NFU1: variants seen among roughly 807,000 people sequenced by gnomAD.
The protein encoded by NFU1 is NFU1 iron-sulfur cluster scaffold homolog, mitochondrial.
NFU1 carries 30 observed loss-of-function variants against 32.2 expected under a neutral mutation model. That is an observed-to-expected ratio of 0.93 (90% CI 0.70 to 1.26). The LOEUF is 1.26. Among genes scored for constraint, NFU1 ranks in the 50% most tolerant of loss-of-function variants. NFU1 has a pLI of 0.00. For synonymous variants in NFU1, 112 were observed against 104.6 expected, an observed-to-expected ratio of 1.07 and a Z score of -0.43; for missense variants, 306 against 306.6, an observed-to-expected ratio of 1.00 and a Z score of 0.02.
At position 69,400,496 on chromosome 2, in the gene NFU1, G is replaced by A; in HGVS notation, c.588C>T (p.Gly196=). Residue 196 remains glycine, a synonymous_variant, in exon 7 of 8, where the codon GGC becomes GGT. Transcript: ENST00000410022. ...QEDGGDVIYK[G]FEDGIVQLKL... The stretch of plus-strand genomic sequence containing the variant: ...TCAGCTGTACAATGCCATCTTCAAA[G>A]CCTTTGTAGATTACATCCCCTCCAT... The A allele has an allele frequency of 6.2e-7, 1 of 1,614,062 alleles. No individual in the cohort carries two copies. The highest frequency in any genetic ancestry group is 1.3e-5 in the African/African-American group (1 of 75,028).
upstream of NFU1, among the ~76,000 whole-genome samples, chr2:69,438,796 T>G (rs777292320): frequency 7.4e-4 from 113 of 152,054 alleles, no homozygotes; most frequent in Non-Finnish European, 1.4e-3. Flanking sequence ...GGGCTGTGCC[T>G]CCTACGAGTT....
chr2:69,439,084 C>G (rs1459838054), upstream of NFU1, among the ~76,000 whole-genome samples: 5 of 152,066 alleles, frequency 3.3e-5, no homozygotes, highest in African/African-American at 1.2e-4. Context: ...CCCAAATCCT[C>G]TTCCACACTC....
intron 1 of NFU1, among the ~76,000 whole-genome samples, chr2:69,434,917 G>T (rs1348020002): frequency 6.6e-6 from 1 of 152,182 alleles, no homozygotes. Context: ...TCATAGGGGT[G>T]CGGAAAATGA....
chr2:69,399,685 A>G (rs116581542), intron 7 of NFU1, among the ~76,000 whole-genome samples: 143 of 151,908 alleles, frequency 9.4e-4, no homozygotes, highest in Middle Eastern at 3.4e-3. Flanking sequence ...TCTAAATCTC[A>G]TCTATAAAAC....
intron 2 of NFU1, among the ~76,000 whole-genome samples, chr2:69,431,374 C>T (rs879487134): frequency 4.6e-5 from 7 of 152,098 alleles, no homozygotes; most frequent in Admixed American, 1.3e-4. Flanking sequence ...GGTGTGATCA[C>T]GGCTCACTGC....
intron 2 of NFU1, among the ~76,000 whole-genome samples, chr2:69,425,361 T>A (rs1673418569): frequency 1.3e-5 from 2 of 149,224 alleles, no homozygotes; most frequent in South Asian, 4.2e-4. Flanking sequence ...ATTTTTAATT[T>A]TTTTTTTTTT....
upstream of NFU1, chr2:69,437,604 C>G (rs1474026221): frequency 4.1e-6 from 3 of 733,596 alleles, no homozygotes; most frequent in Non-Finnish European, 7.1e-6. Context: ...TCACCCTGAC[C>G]AAGAGAGGCC....
rs576455644 is a variant in NFU1, at chr2:69,406,762, G to C, written c.485-680C>G. Among the ~76,000 whole-genome samples, 4 of 152,138 alleles carry C rather than the reference G, an allele frequency of 2.6e-5. No individual in the cohort carries two copies. In the South Asian group the frequency reaches 8.3e-4, roughly 32 times the overall value. On this transcript the variant is annotated intron_variant, in intron 5 of 7. Transcript: ENST00000410022. ...AATTTTTTTATTTTCTGTAGAGATGGGGCCTCGCCATGTTGCTGATATGGT... is the reference window on the plus strand; with the variant it reads ...AATTTTTTTATTTTCTGTAGAGATGCGGCCTCGCCATGTTGCTGATATGGT...
intron 5 of NFU1, among the ~76,000 whole-genome samples, chr2:69,412,606 C>T (rs1305620990): frequency 6.6e-6 from 1 of 151,996 alleles, no homozygotes; most frequent in African/African-American, 2.4e-5. Flanking sequence ...AGGCTGGTCT[C>T]GAACTCCTGA....
chr2:69,437,348 G>C lies in NFU1; in HGVS notation c.62+13C>G, dbSNP rs772395645. 4.4e-6 allele frequency: 7 copies of C among 1,604,754 alleles called. No homozygotes were observed. The African/African-American group carries it at 8.0e-5, about 18-fold the overall frequency. ...GCGGCACACCTATTCGGAGCTCCAG[G>C]CTCGTCACCTACCGCCTGCGCAGCC... On this transcript the variant is annotated intron_variant, in intron 1 of 7. Coordinates refer to ENST00000410022, the MANE Select transcript of NFU1 (RefSeq NM_001002755.4).
intron 6 of NFU1, among the ~76,000 whole-genome samples, chr2:69,401,867 A>T (rs889128789): frequency 5.3e-5 from 8 of 150,426 alleles, no homozygotes; most frequent in Non-Finnish European, 1.2e-4. Flanking sequence ...GCATTTTTTC[A>T]TGTTTAGTGG....
chr2:69,416,373 A>ACT (rs1415476877), intron 4 of NFU1, among the ~76,000 whole-genome samples: 1 of 131,048 alleles, frequency 7.6e-6, no homozygotes. Flanking sequence ...TATTAGTAAT[A>ACT]ATATTATTAT....
chr2:69,396,084 T>A (rs917198318), downstream of NFU1: 5 of 608,352 alleles, frequency 8.2e-6, no homozygotes, highest in African/African-American at 9.3e-5. Context: ...CAAGAGGTTA[T>A]AAATAACTCA....
rs563127867 is a variant in NFU1, at chr2:69,402,208, C to G, written c.546-1670G>C. Among the ~76,000 whole-genome samples, 3 of 152,230 alleles carry G rather than the reference C, an allele frequency of 2.0e-5. No homozygotes were observed. The East Asian group carries it at 5.8e-4, about 29-fold the overall frequency. On this transcript the variant is annotated intron_variant, in intron 6 of 7. Coordinates refer to ENST00000410022, the MANE Select transcript of NFU1 (RefSeq NM_001002755.4). Reference sequence around the variant, plus strand: ...CTGCGCCCAGCCACTATTTGATCATCTTTTGCGAAGTACCTGCTCCAGTGT... The same window carrying G: ...CTGCGCCCAGCCACTATTTGATCATGTTTTGCGAAGTACCTGCTCCAGTGT...
chr2:69,438,237 TTTG>T (rs1673924721), upstream of NFU1, among the ~76,000 whole-genome samples: 2 of 151,092 alleles, frequency 1.3e-5, no homozygotes, highest in African/African-American at 4.9e-5. Context: ...ACTAGAAATC[TTTG>T]TTACTTGCTT....
chr2:69,433,404 T>A (rs1280008068), intron 1 of NFU1, among the ~76,000 whole-genome samples: 1 of 151,918 alleles, frequency 6.6e-6, no homozygotes, highest in African/African-American at 2.4e-5. Flanking sequence ...GGTCTCGAAC[T>A]CTTGACCTCA....
chr2:69,422,809 G>A (rs1673290893), intron 3 of NFU1, among the ~76,000 whole-genome samples: 1 of 151,892 alleles, frequency 6.6e-6, no homozygotes, highest in African/African-American at 2.4e-5. Flanking sequence ...TTAACCTCCT[G>A]GGTTTAAGTG....
At chr2:69,399,890 T>C (rs1301344562) in intron 7 of NFU1, among the ~76,000 whole-genome samples, 1 of 151,924 alleles carries the variant, frequency 6.6e-6, no homozygotes, top group African/African-American at 2.4e-5. Flanking sequence ...TTTTTTTTTT[T>C]TGACGGAGTT....
intron 3 of NFU1, among the ~76,000 whole-genome samples, chr2:69,420,514 C>T (rs559806799): frequency 6.6e-5 from 10 of 152,244 alleles, no homozygotes; most frequent in African/African-American, 1.2e-4. Flanking sequence ...TTATCAGTTT[C>T]GTGTGTATTC....
Sources: gnomAD v4.1 joint callset for allele counts (sites outside exome capture counted in the v4.1 genomes callset) on GRCh38, gnomAD v4.1.1 for gene constraint, MANE v1.5 for transcripts, NCBI Gene and HGNC (gene_info 2026-07-23, HGNC 2026-07-21) for gene names.